The following LRFN5 variants were observed in gnomAD, a reference collection of about 807,000 sequenced individuals.
LRFN5 encodes leucine-rich repeat and fibronectin type-III domain-containing protein 5.
LRFN5 carries 24 observed loss-of-function variants against 45.6 expected under a neutral mutation model. The observed-to-expected ratio is 0.53, with a 90% CI of 0.38 to 0.74. The LOEUF (loss-of-function observed/expected upper bound fraction) is 0.74. Among genes scored for constraint, LRFN5 ranks in the 30% least tolerant of loss-of-function variants. The probability of loss-of-function intolerance (pLI) is 0.00; values close to 1 mark genes in which losing one functional copy is unlikely to be tolerated. For missense variants in LRFN5, 776 were observed against 861.5 expected, an observed-to-expected ratio of 0.90 and a Z score of 1.24; for synonymous variants, 340 against 313.8, an observed-to-expected ratio of 1.08 and a Z score of -0.88.
At chr14:41,668,684 A>C (rs1264135706) in intron 1 of LRFN5, among the ~76,000 whole-genome samples, 2 of 152,206 alleles carry the variant, frequency 1.3e-5, no homozygotes, top group East Asian at 3.9e-4. Context: ...GTGAGAATAC[A>C]TTTTCTTTAT....
intron 2 of LRFN5, among the ~76,000 whole-genome samples, chr14:41,854,121 G>T (rs2415692): frequency 0.2 from 30,834 of 151,964 alleles, 4,084 homozygotes; most frequent in East Asian, 0.48. Flanking sequence ...GAACACATTT[G>T]TGTGCTATTA....
intron 2 of LRFN5, among the ~76,000 whole-genome samples, chr14:41,807,144 A>G (rs781625757): frequency 2.6e-5 from 4 of 152,198 alleles, no homozygotes; most frequent in Non-Finnish European, 4.4e-5. Context: ...TGTGTAATGC[A>G]AACATCCAGA....
intron 1 of LRFN5, among the ~76,000 whole-genome samples, chr14:41,659,516 G>T (rs1378001916): frequency 6.6e-6 from 1 of 152,062 alleles, no homozygotes; most frequent in Admixed American, 6.6e-5. Context: ...AAACATATGG[G>T]TGCATGTGTC....
intron 1 of LRFN5, among the ~76,000 whole-genome samples, chr14:41,760,503 T>C (rs1885615694): frequency 6.6e-6 from 1 of 152,230 alleles, no homozygotes; most frequent in Admixed American, 6.5e-5. Flanking sequence ...TTGATCTGGC[T>C]TCTACACATT....
intron 1 of LRFN5, among the ~76,000 whole-genome samples, chr14:41,641,948 T>A (rs1879598709): frequency 6.6e-6 from 1 of 152,152 alleles, no homozygotes; most frequent in Non-Finnish European, 1.5e-5. Context: ...TAAGTGCTTT[T>A]CTGTAATACC....
At chr14:41,896,239 C>T (rs538407825) in intron 4 of LRFN5, among the ~76,000 whole-genome samples, 2 of 152,250 alleles carry the variant, frequency 1.3e-5, no homozygotes, top group South Asian at 4.1e-4. Flanking sequence ...GCAAATTAGA[C>T]ATTTCTTAAG....
intron 2 of LRFN5, among the ~76,000 whole-genome samples, chr14:41,873,268 C>T (rs1434903547): frequency 6.6e-6 from 1 of 152,028 alleles, no homozygotes; most frequent in Non-Finnish European, 1.5e-5. Context: ...CACAGAAACA[C>T]AATTAATGCA....
intron 2 of LRFN5, among the ~76,000 whole-genome samples, chr14:41,796,392 A>G (rs2138957866): frequency 6.6e-6 from 1 of 152,086 alleles, no homozygotes; most frequent in East Asian, 1.9e-4. Flanking sequence ...ATGGTAGATA[A>G]GCAAATAAGT....
At chr14:41,902,304 C>T (rs577722101) in intron 5 of LRFN5, among the ~76,000 whole-genome samples, 1 of 151,872 alleles carries the variant, frequency 6.6e-6, no homozygotes, top group Non-Finnish European at 1.5e-5. Context: ...GTTTTTGTAA[C>T]ATTTTTACCA....
At chr14:41,609,019 CTTG>C (rs1346804810) in intron 1 of LRFN5, among the ~76,000 whole-genome samples, 1 of 152,116 alleles carries the variant, frequency 6.6e-6, no homozygotes, top group East Asian at 1.9e-4. Flanking sequence ...TTTTCCTTTC[CTTG>C]TTGTGGAGGA....
intron 1 of LRFN5, among the ~76,000 whole-genome samples, chr14:41,712,722 A>G (rs1429038645): frequency 6.6e-6 from 1 of 152,164 alleles, no homozygotes; most frequent in African/African-American, 2.4e-5. Context: ...AGGCTATTTT[A>G]TGCTAATAAC....
At chr14:41,647,098 C>G (rs1172614614) in intron 1 of LRFN5, among the ~76,000 whole-genome samples, 2 of 152,200 alleles carry the variant, frequency 1.3e-5, no homozygotes, top group Non-Finnish European at 2.9e-5. Context: ...AGCCCCAAGT[C>G]TTATCAAGTT....
At chr14:41,755,972 A>G (rs1885358229) in intron 1 of LRFN5, among the ~76,000 whole-genome samples, 1 of 152,088 alleles carries the variant, frequency 6.6e-6, no homozygotes, top group African/African-American at 2.4e-5. Flanking sequence ...CGGTGAGAAA[A>G]TCTCTCAGCA....
At chr14:41,774,716 A>C (rs1323691357) in intron 2 of LRFN5, among the ~76,000 whole-genome samples, 1 of 152,218 alleles carries the variant, frequency 6.6e-6, no homozygotes, top group Non-Finnish European at 1.5e-5. Context: ...AACTTTGATC[A>C]TACAGTTTTC....
At chr14:41,873,603 G>A (rs1006266104) in intron 2 of LRFN5, among the ~76,000 whole-genome samples, 7 of 151,812 alleles carry the variant, frequency 4.6e-5, no homozygotes, top group African/African-American at 1.7e-4. Flanking sequence ...CTGTATGTGG[G>A]TATGCCTTTC....
Position 41,672,096 on chromosome 14 carries a change from C to T in LRFN5, c.-197+63534C>T, listed in dbSNP as rs116852555. 9.3e-3 allele frequency among the ~76,000 whole-genome samples: 1,413 copies of T among 152,248 alleles called. 6 individuals carry two copies. Among genetic ancestry groups the T allele is most frequent in the East Asian group, 0.02 (101 of 5,174 alleles). On this transcript the variant is annotated intron_variant, in intron 1 of 5. Transcript: ENST00000298119. ...ACTAGGTGCCTTAGGGCACATATTC[C>T]TTTCTTAGCTTCCTCTTTCTGTTTA...
intron 1 of LRFN5, among the ~76,000 whole-genome samples, chr14:41,660,521 A>C (rs766142952): frequency 1.1e-4 from 17 of 152,116 alleles, no homozygotes; most frequent in Non-Finnish European, 2.1e-4. Context: ...AGCATTTTCT[A>C]TGCATGTTTA....
At chr14:41,678,607 A>G (rs1881745270) in intron 1 of LRFN5, among the ~76,000 whole-genome samples, 1 of 152,214 alleles carries the variant, frequency 6.6e-6, no homozygotes. Flanking sequence ...TAAAGTGCAT[A>G]TTAACAATTC....
intron 1 of LRFN5, among the ~76,000 whole-genome samples, chr14:41,661,362 C>T (rs956668391): frequency 1.3e-5 from 2 of 151,880 alleles, no homozygotes; most frequent in African/African-American, 4.8e-5. Context: ...AATGAGTATT[C>T]CTGGGTTCAA....
Sources: allele counts gnomAD v4.1 joint callset (sites outside exome capture counted in the v4.1 genomes callset), GRCh38; gene constraint gnomAD v4.1.1; transcripts MANE v1.5; gene names NCBI Gene and HGNC (gene_info 2026-07-23, HGNC 2026-07-21).